PRELID2: variants seen among roughly 807,000 people sequenced by gnomAD.
PRELID2 encodes the protein PRELI domain-containing protein 2.
PRELID2 carries 25 observed loss-of-function variants against 28.4 expected under a neutral mutation model. The ratio of observed to expected loss-of-function variants is 0.88; its 90% confidence interval spans 0.64 to 1.23. PRELID2 has a LOEUF of 1.23. Ranked by LOEUF, PRELID2 falls within the 50% of genes most tolerant of loss-of-function variation. PRELID2 has a pLI of 0.00. For synonymous variants in PRELID2, 76 were observed against 71.6 expected, an observed-to-expected ratio of 1.06 and a Z score of -0.31; for missense variants, 201 against 214.4, an observed-to-expected ratio of 0.94 and a Z score of 0.39.
At chr5:145,386,904 G>A in the PRELID2 span, among the ~76,000 whole-genome samples, 2 of 152,140 alleles carry the variant, frequency 1.3e-5, no homozygotes, top group African/African-American at 4.8e-5. Context: ...TAATTCTCCT[G>A]GGAGCAGCCC....
At chr5:145,781,732 C>CTA (rs1192072023) in intron 5 of PRELID2, among the ~76,000 whole-genome samples, 1 of 143,524 alleles carries the variant, frequency 7.0e-6, no homozygotes, top group South Asian at 2.1e-4. Flanking sequence ...TATATATATA[C>CTA]TATATATATA....
chr5:145,599,774 A>G (rs962692189), intron 1 of PRELID2, among the ~76,000 whole-genome samples: 1 of 152,190 alleles, frequency 6.6e-6, no homozygotes, highest in Non-Finnish European at 1.5e-5. Context: ...GCAAAAGCAA[A>G]TCAGATATTT....
At chr5:145,701,430 T>C (rs1420549137) in intron 1 of PRELID2, among the ~76,000 whole-genome samples, 1 of 152,250 alleles carries the variant, frequency 6.6e-6, no homozygotes, top group Non-Finnish European at 1.5e-5. Flanking sequence ...AATTGCTTAG[T>C]TCAGCAGAAG....
At chr5:145,250,074 G>A in the PRELID2 span, among the ~76,000 whole-genome samples, 10 of 151,976 alleles carry the variant, frequency 6.6e-5, no homozygotes, top group African/African-American at 2.2e-4. Context: ...ATTTTTCAAC[G>A]ATGTTGCTTT....
the PRELID2 span, among the ~76,000 whole-genome samples, chr5:145,248,212 C>T: frequency 6.6e-6 from 1 of 152,136 alleles, no homozygotes; most frequent in East Asian, 1.9e-4. Context: ...CTTCGTTCCC[C>T]CCCCTTCTTA....
intron 1 of PRELID2, among the ~76,000 whole-genome samples, chr5:145,564,588 G>T (rs1256508239): frequency 6.6e-6 from 1 of 152,078 alleles, no homozygotes; most frequent in Non-Finnish European, 1.5e-5. Flanking sequence ...TCAGAACACT[G>T]TTTTAAATTT....
intron 1 of PRELID2, among the ~76,000 whole-genome samples, chr5:145,504,000 T>A (rs1752385157): frequency 6.6e-6 from 1 of 152,202 alleles, no homozygotes; most frequent in African/African-American, 2.4e-5. Context: ...TATTCCCATA[T>A]GTAAAATGAA....
chr5:145,582,577 C>T (rs945451240), intron 1 of PRELID2, among the ~76,000 whole-genome samples: 1 of 151,882 alleles, frequency 6.6e-6, no homozygotes, highest in African/African-American at 2.4e-5. Flanking sequence ...TGTTTCCTCA[C>T]CTATAAAATG....
At chr5:145,742,941 A>C (rs1350519023) in intron 1 of PRELID2, among the ~76,000 whole-genome samples, 1 of 152,258 alleles carries the variant, frequency 6.6e-6, no homozygotes, top group African/African-American at 2.4e-5. Context: ...AGGAAGTACT[A>C]TTTGACCAAA....
intron 1 of PRELID2, among the ~76,000 whole-genome samples, chr5:145,657,368 C>A (rs1172467736): frequency 6.6e-6 from 1 of 152,082 alleles, no homozygotes; most frequent in Non-Finnish European, 1.5e-5. Flanking sequence ...ATGACTCTAC[C>A]TGCTGGCCTC....
the PRELID2 span, among the ~76,000 whole-genome samples, chr5:145,325,479 A>C: frequency 2.2e-3 from 332 of 152,342 alleles, 1 homozygote; most frequent in African/African-American, 7.4e-3. Context: ...TTCAATTACA[A>C]AAGTAATTTT....
intron 1 of PRELID2, among the ~76,000 whole-genome samples, chr5:145,829,020 T>C (rs1479602042): frequency 6.6e-6 from 1 of 151,494 alleles, no homozygotes; most frequent in Non-Finnish European, 1.5e-5. Context: ...GGGGGTTTTT[T>C]GTTTTTGTGT....
At chr5:145,313,526 C>T in the PRELID2 span, among the ~76,000 whole-genome samples, 9 of 142,016 alleles carry the variant, frequency 6.3e-5, no homozygotes, top group East Asian at 3.9e-4. Context: ...ATCTGCTCTC[C>T]GACAATAGCC....
chr5:145,554,043 G>A (rs1443345370), intron 1 of PRELID2, among the ~76,000 whole-genome samples: 1 of 152,182 alleles, frequency 6.6e-6, no homozygotes, highest in African/African-American at 2.4e-5. Flanking sequence ...ATAAGCCCAA[G>A]TTTTGGACCT....
intron 1 of PRELID2, among the ~76,000 whole-genome samples, chr5:145,828,856 T>TTC (rs1291732195): frequency 7.1e-5 from 7 of 98,562 alleles, no homozygotes; most frequent in Admixed American, 2.2e-4. Flanking sequence ...TTTTTTTTTT[T>TTC]GAGACTGGGT....
At chr5:145,590,402 G>T (rs780465593) in intron 1 of PRELID2, among the ~76,000 whole-genome samples, 10 of 151,984 alleles carry the variant, frequency 6.6e-5, no homozygotes, top group Non-Finnish European at 1.3e-4. Flanking sequence ...TATTATTTAT[G>T]TATGTGTTTG....
chr5:145,474,551 T>A (rs1214269637), intron 1 of PRELID2, among the ~76,000 whole-genome samples: 1 of 152,082 alleles, frequency 6.6e-6, no homozygotes, highest in Non-Finnish European at 1.5e-5. Context: ...TGCTCTGGAG[T>A]GGCAGGCAAT....
At chr5:145,343,251 T>C in the PRELID2 span, among the ~76,000 whole-genome samples, 65 of 152,074 alleles carry the variant, frequency 4.3e-4, no homozygotes, top group Non-Finnish European at 8.3e-4. Flanking sequence ...AACATTCTCT[T>C]AGATAGGCCA....
intron 1 of PRELID2, among the ~76,000 whole-genome samples, chr5:145,672,858 T>C (rs1423760687): frequency 6.6e-6 from 1 of 152,214 alleles, no homozygotes; most frequent in Non-Finnish European, 1.5e-5. Context: ...TTGAGTCATA[T>C]AAATTTTCAT....
Sources: allele counts gnomAD v4.1 joint callset (sites outside exome capture counted in the v4.1 genomes callset), GRCh38; gene constraint gnomAD v4.1.1; transcripts MANE v1.5; gene names NCBI Gene and HGNC (gene_info 2026-07-23, HGNC 2026-07-21).